Variants in KAT2B observed in about 807,000 individuals in gnomAD.
KAT2B encodes the protein histone acetyltransferase KAT2B.
A neutral mutation model predicts 105.9 loss-of-function variants in KAT2B; 36 were observed. The observed-to-expected ratio is 0.34, with a 90% CI of 0.26 to 0.45. The LOEUF (loss-of-function observed/expected upper bound fraction) is 0.45. KAT2B is among the 20% of genes least tolerant of loss of function. KAT2B has a pLI of 1.00. For missense variants in KAT2B, 820 were observed against 1,021.6 expected (o/e 0.80, Z 2.69); for synonymous variants, 397 against 377.9 (o/e 1.05, Z -0.59).
In KAT2B at chr3:20,134,523, C is replaced by G. The variant is rs1005090893; in HGVS notation, c.1750-2419C>G. On this transcript the variant is annotated intron_variant, in intron 11 of 17. Coordinates refer to ENST00000263754, the MANE Select transcript of KAT2B (RefSeq NM_003884.5). ...TCCCTGGTTCATGCCGTTCTCCTGC[C>G]TCAGCCTCCCGAGTAGCTGGGATTA... 5.3e-5 allele frequency among the ~76,000 whole-genome samples: 8 copies of G among 152,342 alleles called. No individual in the cohort carries two copies. In the South Asian group the frequency reaches 1.2e-3, roughly 24 times the overall value.
intron 2 of KAT2B, among the ~76,000 whole-genome samples, chr3:20,076,557 A>G (rs1037404607): frequency 2.0e-5 from 3 of 152,162 alleles, no homozygotes; most frequent in African/African-American, 4.8e-5. Flanking sequence ...TCTTAATGGA[A>G]AGTTTCAAAC....
intron 17 of KAT2B, 111 bp downstream of exon 17, chr3:20,148,598 A>G: frequency 1.3e-6 from 1 of 785,520 alleles, no homozygotes; most frequent in Non-Finnish European, 2.1e-6. Flanking sequence ...TAGGAAGTGT[A>G]TGACGGGTGG....
chr3:20,046,491 G>A (rs1383683806), intron 1 of KAT2B, among the ~76,000 whole-genome samples: 1 of 152,192 alleles, frequency 6.6e-6, no homozygotes, highest in East Asian at 1.9e-4. Flanking sequence ...GTTGAGGTGG[G>A]AGGATGGCTT....
chr3:20,093,031 A>G (rs1453712431), intron 2 of KAT2B, among the ~76,000 whole-genome samples: 1 of 152,180 alleles, frequency 6.6e-6, no homozygotes, highest in African/African-American at 2.4e-5. Context: ...TTTGTCTGAT[A>G]TAAACATAGC....
chr3:20,040,497 C>T lies in KAT2B; in HGVS notation c.20C>T (p.Ala7Val). 1 of 1,039,280 alleles carries T rather than the reference C, an allele frequency of 9.6e-7. No individual in the cohort carries two copies. Among genetic ancestry groups the T allele is most frequent in the South Asian group, 4.4e-5 (1 of 22,530 alleles). 64.4% of individuals were successfully genotyped at this position (1,039,280 alleles called of 1,614,324 possible). A position where few individuals can be genotyped will look rare whatever the true frequency, so the allele number is the denominator to read the frequency against. MSEAGG[A>V]GPGGCGAGAG... ...GGCGGCATGTCCGAGGCTGGCGGGG[C>T]CGGGCCGGGCGGCTGCGGGGCAGGA... is the stretch of plus-strand genomic sequence containing the variant. Residue 7 changes from alanine to valine, a missense_variant, in exon 1 of 18, where the codon GCC becomes GTC. Transcript: ENST00000263754.
At chr3:20,053,208 G>C (rs1029224661) in intron 1 of KAT2B, among the ~76,000 whole-genome samples, 1 of 152,094 alleles carries the variant, frequency 6.6e-6, no homozygotes, top group Admixed American at 6.6e-5. Context: ...TCCAACCACT[G>C]TTTCCTCTTC....
chr3:20,089,917 G>A (rs1698685207), intron 2 of KAT2B, among the ~76,000 whole-genome samples: 1 of 151,606 alleles, frequency 6.6e-6, no homozygotes, highest in Non-Finnish European at 1.5e-5. Context: ...GAGGTGGAAG[G>A]ATTGCTTGAG....
At chr3:20,131,545 T>TA (rs2125184046) in intron 11 of KAT2B, among the ~76,000 whole-genome samples, 2 of 152,272 alleles carry the variant, frequency 1.3e-5, no homozygotes, top group East Asian at 3.9e-4. Context: ...AGCAAATTCA[T>TA]AAGCAGAGGT....
At chr3:20,063,894 G>A (rs1251772294) in intron 1 of KAT2B, among the ~76,000 whole-genome samples, 1 of 152,074 alleles carries the variant, frequency 6.6e-6, no homozygotes, top group Non-Finnish European at 1.5e-5. Context: ...TCATTTGTGT[G>A]TGTGTTATTA....
At chr3:20,042,326 C>T (rs1462222328) in intron 1 of KAT2B, among the ~76,000 whole-genome samples, 2 of 152,146 alleles carry the variant, frequency 1.3e-5, no homozygotes, top group Admixed American at 1.3e-4. Context: ...GAGTGTGCTT[C>T]TAAGAAAGGT....
At chr3:20,140,513 T>C in intron 13 of KAT2B, 149 bp downstream of exon 13, 2 of 757,516 alleles carry the variant, frequency 2.6e-6, no homozygotes, top group South Asian at 3.8e-5. Context: ...CTCTCTCTTT[T>C]TTGACACAGA....
chr3:20,115,084 A>G (rs1438370503), intron 7 of KAT2B, 96 bp downstream of exon 7: 8 of 734,752 alleles, frequency 1.1e-5, no homozygotes, highest in Middle Eastern at 2.4e-4. Context: ...CTCTATAGTC[A>G]AATGAGCTTA....
In KAT2B at chr3:20,040,734, C is replaced by A; in HGVS notation, c.257C>A (p.Pro86Gln). The part of the protein sequence containing the change: ...AVKKAQLRSA[P>Q]RAKKLEKLGV... Reference sequence around the variant, plus strand: ...AAGAAAGCGCAACTACGCTCCGCTCCGCGGGCCAAGAAACTGGAGAAACTC... The same window carrying A: ...AAGAAAGCGCAACTACGCTCCGCTCAGCGGGCCAAGAAACTGGAGAAACTC... Residue 86 changes from proline to glutamine, a missense_variant, in exon 1 of 18, where the codon CCG (proline) becomes CAG (glutamine). Physicochemically the swap from Pro to Gln is moderately conservative, Grantham distance 76. This residue lies in a region of KAT2B where 190 missense variants were observed against 176.7 expected (regional missense o/e 1.08). Transcript: ENST00000263754. The A allele has an allele frequency of 6.3e-7, 1 of 1,596,470 alleles. No individual in the cohort carries two copies. Among genetic ancestry groups the A allele is most frequent in the Non-Finnish European group, 8.5e-7 (1 of 1,174,156 alleles).
chr3:20,081,102 G>T (rs779703942), intron 2 of KAT2B, among the ~76,000 whole-genome samples: 54 of 152,210 alleles, frequency 3.5e-4, no homozygotes, highest in Non-Finnish European at 5.7e-4. Flanking sequence ...AGATTTCATT[G>T]TAGTCATTAA....
chr3:20,062,100 TATA>T (rs1436278727), intron 1 of KAT2B, among the ~76,000 whole-genome samples: 2 of 54,264 alleles, frequency 3.7e-5, no homozygotes, highest in South Asian at 4.8e-4. Flanking sequence ...ATATAAAACA[TATA>T]ATATATATTA....
intron 3 of KAT2B, among the ~76,000 whole-genome samples, chr3:20,097,741 C>T (rs79907535): frequency 0.016 from 2,472 of 151,962 alleles, 28 homozygotes; most frequent in African/African-American, 0.023. Context: ...TTCACATTGT[C>T]GGCCACGCTT....
rs560636121 is a variant in KAT2B, at chr3:20,059,455, C to T, written c.304-12878C>T. ...AAAAAAGGCCAGGCGTGGTGCCTCACGCTTGTAATCCCAGCACTTTGGGAG... is the reference window on the plus strand; with the variant it reads ...AAAAAAGGCCAGGCGTGGTGCCTCATGCTTGTAATCCCAGCACTTTGGGAG... On this transcript the variant is annotated intron_variant, in intron 1 of 17. Transcript: ENST00000263754. Among the ~76,000 whole-genome samples, 185 of 146,584 alleles carry T rather than the reference C, an allele frequency of 1.3e-3. 1 individual carries two copies. Among genetic ancestry groups the T allele is most frequent in the South Asian group, 7.1e-3 (33 of 4,630 alleles).
At position 20,111,591 on chromosome 3, in the gene KAT2B, C is replaced by T. The variant is rs370344547; in HGVS notation, c.852-5C>T. Reference sequence around the variant, plus strand: ...ATTGATGGTGCTTGACTTCTCTTGTCACAGGTGGCTGTGTTACTGCAACGT... The same window carrying T: ...ATTGATGGTGCTTGACTTCTCTTGTTACAGGTGGCTGTGTTACTGCAACGT... On this transcript the variant is annotated splice_polypyrimidine_tract_variant and splice_region_variant and intron_variant, in intron 5 of 17. Coordinates refer to ENST00000263754, the MANE Select transcript of KAT2B (RefSeq NM_003884.5). 17 of 1,603,422 alleles carry T rather than the reference C, an allele frequency of 1.1e-5. No homozygotes were observed. The Admixed American group carries it at 1.5e-4, about 15-fold the overall frequency.
At chr3:20,140,417 G>T (rs921854935) in intron 13 of KAT2B, 53 bp downstream of exon 13, 7 of 1,593,150 alleles carry the variant, frequency 4.4e-6, no homozygotes, top group African/African-American at 2.7e-5. Flanking sequence ...CTTAGCTGGG[G>T]TGGGTTGCAT....
Sources: gnomAD v4.1 joint callset for allele counts (sites outside exome capture counted in the v4.1 genomes callset) on GRCh38, gnomAD v4.1.1 for gene constraint, gnomAD v4.1.1 regional missense constraint, MANE v1.5 for transcripts, NCBI Gene and HGNC (gene_info 2026-07-23, HGNC 2026-07-21) for gene names.